DCAF6: variants seen among roughly 807,000 people sequenced by gnomAD.
DCAF6 encodes DDB1- and CUL4-associated factor 6.
DCAF6 carries 54 observed loss-of-function variants against 125.1 expected under a neutral mutation model. The ratio of observed to expected loss-of-function variants is 0.43; its 90% confidence interval spans 0.35 to 0.54. DCAF6 has a LOEUF of 0.54. Ranked by LOEUF, DCAF6 falls within the 20% of genes least tolerant of loss-of-function variation. DCAF6 has a pLI of 0.01. For synonymous variants in DCAF6, 371 were observed against 390.4 expected, an observed-to-expected ratio of 0.95 and a Z score of 0.58; for missense variants, 934 against 1,161.7, an observed-to-expected ratio of 0.80 and a Z score of 2.85.
At chr1:167,961,283 C>T (rs1172866543) in intron 2 of DCAF6, among the ~76,000 whole-genome samples, 2 of 152,078 alleles carry the variant, frequency 1.3e-5, no homozygotes, top group African/African-American at 4.8e-5. Context: ...TGCTCTGTCG[C>T]CCAGGCTGGA....
intron 17 of DCAF6, among the ~76,000 whole-genome samples, chr1:168,054,909 T>C (rs1690427712): frequency 6.6e-6 from 1 of 151,544 alleles, no homozygotes; most frequent in East Asian, 1.9e-4. Context: ...CTCTGCCTGC[T>C]GGGTTCAAGC....
the DCAF6 span, among the ~76,000 whole-genome samples, chr1:167,900,586 G>A: frequency 6.6e-6 from 1 of 151,988 alleles, no homozygotes; most frequent in African/African-American, 2.4e-5. Flanking sequence ...AGGCTGGAGT[G>A]CAATGGCGCC....
chr1:168,021,809 A>C (rs1025014928), intron 11 of DCAF6, among the ~76,000 whole-genome samples: 6 of 152,222 alleles, frequency 3.9e-5, no homozygotes, highest in African/African-American at 7.2e-5. Context: ...ATGTGAATCC[A>C]GGATATATTG....
intron 1 of DCAF6, among the ~76,000 whole-genome samples, chr1:167,951,080 C>T (rs1328386842): frequency 6.6e-6 from 1 of 152,180 alleles, no homozygotes; most frequent in Non-Finnish European, 1.5e-5. Context: ...TAGCACTATA[C>T]TAACTTATAG....
At chr1:167,893,152 T>C in the DCAF6 span, among the ~76,000 whole-genome samples, 1 of 152,186 alleles carries the variant, frequency 6.6e-6, no homozygotes, top group Non-Finnish European at 1.5e-5. Flanking sequence ...ATTACCTGCA[T>C]TGTTAAATCT....
chr1:167,907,280 T>C, the DCAF6 span, among the ~76,000 whole-genome samples: 1 of 152,252 alleles, frequency 6.6e-6, no homozygotes, highest in Non-Finnish European at 1.5e-5. Flanking sequence ...CATAATGTAT[T>C]TGTTGAGATA....
At chr1:167,901,773 G>A in the DCAF6 span, 40 of 1,613,896 alleles carry the variant, frequency 2.5e-5, no homozygotes, top group Admixed American at 3.3e-5. Flanking sequence ...AGCTGCTTTC[G>A]CTCCACCCTC....
chr1:167,982,345 G>A (rs561129540), intron 4 of DCAF6, among the ~76,000 whole-genome samples: 10 of 151,996 alleles, frequency 6.6e-5, no homozygotes, highest in East Asian at 1.9e-4. Context: ...GCTTTCAAGC[G>A]ATTCTCCTGC....
At chr1:167,930,513 A>C in the DCAF6 span, among the ~76,000 whole-genome samples, 1 of 152,228 alleles carries the variant, frequency 6.6e-6, no homozygotes, top group East Asian at 1.9e-4. Context: ...ACTTTCCCCA[A>C]TGAAATCTGA....
the DCAF6 span, chr1:167,905,326 G>C: frequency 1.4e-6 from 1 of 740,128 alleles, no homozygotes; most frequent in Non-Finnish European, 2.3e-6. Context: ...GAGTTGTTGA[G>C]CCACACTTCA....
At chr1:168,024,232 A>G (rs996151786) in intron 12 of DCAF6, among the ~76,000 whole-genome samples, 47 of 151,648 alleles carry the variant, frequency 3.1e-4, no homozygotes, top group Middle Eastern at 3.4e-3. Flanking sequence ...AAAAAAAAAA[A>G]AAAAAAGAAC....
intron 1 of DCAF6, among the ~76,000 whole-genome samples, chr1:167,946,019 C>G (rs1673027637): frequency 7.0e-6 from 1 of 143,254 alleles, no homozygotes; most frequent in Non-Finnish European, 1.5e-5. Flanking sequence ...TGCAATGGCA[C>G]AATCTCAGCT....
At chr1:168,055,073 C>T (rs1163100825) in intron 17 of DCAF6, among the ~76,000 whole-genome samples, 2 of 151,952 alleles carry the variant, frequency 1.3e-5, no homozygotes, top group East Asian at 1.9e-4. Flanking sequence ...TTCCAATGAA[C>T]CATAAATACA....
the DCAF6 span, chr1:167,917,223 A>G: frequency 6.6e-6 from 1 of 152,178 alleles, no homozygotes; most frequent in Non-Finnish European, 1.5e-5. Flanking sequence ...CTCTCCTCAC[A>G]ACGGAGCCAA....
chr1:167,870,965 C>T, the DCAF6 span, among the ~76,000 whole-genome samples: 1 of 152,212 alleles, frequency 6.6e-6, no homozygotes, highest in South Asian at 2.1e-4. Flanking sequence ...AGAAAGTATT[C>T]TTATAATCCT....
At chr1:167,950,412 T>C (rs1336869869) in intron 1 of DCAF6, among the ~76,000 whole-genome samples, 1 of 152,200 alleles carries the variant, frequency 6.6e-6, no homozygotes, top group Non-Finnish European at 1.5e-5. Flanking sequence ...TGTTACTGAA[T>C]TTCTCTAGGT....
At chr1:167,879,572 T>C in the DCAF6 span, among the ~76,000 whole-genome samples, 69,946 of 151,944 alleles carry the variant, frequency 0.46, 17,093 homozygotes, top group African/African-American at 0.62. Flanking sequence ...TGTGTACTTT[T>C]GAAGAACATC....
At chr1:167,996,550 A>G (rs985693164) in intron 7 of DCAF6, among the ~76,000 whole-genome samples, 1 of 152,186 alleles carries the variant, frequency 6.6e-6, no homozygotes, top group Admixed American at 6.5e-5. Flanking sequence ...CCCTATAGCT[A>G]TACAGCATTC....
intron 1 of DCAF6, 145 bp downstream of exon 1, chr1:167,937,153 G>C (rs1671392096): frequency 1.5e-6 from 1 of 673,916 alleles, no homozygotes; most frequent in Non-Finnish European, 2.6e-6. Flanking sequence ...CTTGGTTGCC[G>C]AATTCCGTGC....
Sources: allele counts gnomAD v4.1 joint callset (sites outside exome capture counted in the v4.1 genomes callset), GRCh38; gene constraint gnomAD v4.1.1; transcripts MANE v1.5; gene names NCBI Gene and HGNC (gene_info 2026-07-23, HGNC 2026-07-21).